NEK4: variants seen among roughly 807,000 people sequenced by gnomAD.
The protein encoded by NEK4 is serine/threonine-protein kinase Nek4.
A neutral mutation model predicts 98.4 loss-of-function variants in NEK4; 86 were observed. The ratio of observed to expected loss-of-function variants is 0.87; its 90% CI spans 0.73 to 1.05. The LOEUF (loss-of-function observed/expected upper bound fraction) is 1.05. Ranked by LOEUF, NEK4 falls within the 50% of genes least tolerant of loss-of-function variation. The pLI is 0.00. For missense variants in NEK4, 898 were observed against 950.3 expected, an observed-to-expected ratio of 0.94 and a Z score of 0.72; for synonymous variants, 328 against 342.2, an observed-to-expected ratio of 0.96 and a Z score of 0.46.
At chr3:52,752,362 A>G in intron 6 of NEK4, 26 bp from the exon 7 acceptor site, 1 of 1,595,956 alleles carries the variant, frequency 6.3e-7, no homozygotes, top group Non-Finnish European at 8.5e-7. Context: ...TTTGGAAATT[A>G]TTATAGCACT....
Position 52,752,093 on chromosome 3 carries a change from T to C in NEK4, c.1207A>G (p.Ile403Val). The change falls in exon 7 of 16, where the codon ATT becomes GTT. Residue 403 changes from isoleucine to valine, a missense_variant. Transcript: ENST00000233027. The stretch of plus-strand genomic sequence containing the variant: ...AGCATCTCCTCTTCCACTTGAGAAA[T>C]ACTGCATATACCTCCTAACTCATTA... ...ASNELGGICS[I>V]SQVEEEMLQD... is the part of the protein sequence containing the mutation. 6.2e-7 allele frequency: 1 copy of C among 1,614,248 alleles called. No individual in the cohort carries two copies. The highest frequency in any genetic ancestry group is 8.5e-7 in the Non-Finnish European group (1 of 1,180,052).
At chr3:52,754,344 G>T in intron 6 of NEK4, 1 of 388,040 alleles carries the variant, frequency 2.6e-6, no homozygotes. Flanking sequence ...ACCAAATTTG[G>T]CAAGTACTAA....
intron 15 of NEK4, among the ~76,000 whole-genome samples, chr3:52,731,876 G>C (rs753484773): frequency 2.6e-5 from 4 of 152,208 alleles, no homozygotes; most frequent in African/African-American, 4.8e-5. Context: ...CGGGAGGTAA[G>C]TGAATCATGG....
chr3:52,743,397 C>A lies in NEK4; in HGVS notation c.1959G>T (p.Gln653His), dbSNP rs763361832. The change falls in exon 12 of 16, where the codon CAG becomes CAT. Residue 653 changes from glutamine to histidine, a missense_variant. By Grantham distance (24) the Gln-to-His change is conservative. Transcript: ENST00000233027. ...AGGAGAGCCGTCGGGCAGGCAAGGGCTGGTCTTCTTCCTGGGGTTTTCCTG... is the reference window on the plus strand; with the variant it reads ...AGGAGAGCCGTCGGGCAGGCAAGGGATGGTCTTCTTCCTGGGGTTTTCCTG... ...AGPGKPQEED[Q>H]PLPARRLSSD... is the part of the protein sequence containing the mutation. 5.6e-6 allele frequency: 9 copies of A among 1,614,022 alleles called. No individual in the cohort carries two copies. The East Asian group carries it at 2.0e-4, about 36-fold the overall frequency.
chr3:52,715,287 C>G (rs1045643682), intron 15 of NEK4, among the ~76,000 whole-genome samples: 1 of 152,248 alleles, frequency 6.6e-6, no homozygotes, highest in Non-Finnish European at 1.5e-5. Context: ...GAGCTACCCT[C>G]TGCTGAGAGC....
chr3:52,763,516 G>GCTGC lies in NEK4; in HGVS notation c.771_774dup (p.Pro259AlafsTer23), dbSNP rs1698434506. 6.2e-7 allele frequency: 1 copy of GCTGC among 1,614,004 alleles called. No individual in the cohort carries two copies. The highest frequency in any genetic ancestry group is 2.2e-5 in the East Asian group (1 of 44,874). ...AAGGAGATTTGCCGCTTTATATAAG[G>GCTGC]CTGCCTCAGGATGCTCCTCACAGAC... On this transcript the variant is annotated frameshift_variant, in exon 5 of 16. Coordinates refer to ENST00000233027, the MANE Select transcript of NEK4 (RefSeq NM_003157.6). LOFTEE classifies it high-confidence loss of function.
intron 15 of NEK4, among the ~76,000 whole-genome samples, chr3:52,727,701 C>A (rs2097365850): frequency 6.6e-6 from 1 of 152,138 alleles, no homozygotes; most frequent in African/African-American, 2.4e-5. Flanking sequence ...GAACTCCTGA[C>A]CTCAAGTGAT....
intron 4 of NEK4, among the ~76,000 whole-genome samples, chr3:52,764,937 T>C (rs548937695): frequency 6.6e-6 from 1 of 152,370 alleles, no homozygotes; most frequent in African/African-American, 2.4e-5. Context: ...GATTCTTAAG[T>C]AGTGGCATTA....
intron 6 of NEK4, among the ~76,000 whole-genome samples, chr3:52,758,521 T>C (rs55807227): frequency 0.21 from 31,715 of 151,800 alleles, 3,813 homozygotes; most frequent in East Asian, 0.3. Flanking sequence ...CTTCAAGACG[T>C]TGGATTTGGC....
At chr3:52,750,920 C>T (rs543656883) in intron 7 of NEK4, among the ~76,000 whole-genome samples, 116 of 152,218 alleles carry the variant, frequency 7.6e-4, no homozygotes, top group Middle Eastern at 3.4e-3. Context: ...AGCAGAGACC[C>T]TGTCTCAAAA....
intron 15 of NEK4, chr3:52,733,162 A>C (rs142873943): frequency 7.4e-4 from 142 of 192,872 alleles, no homozygotes; most frequent in Middle Eastern, 3.0e-3. Context: ...AGTCTTACTA[A>C]TCATCAAGTA....
Position 52,711,614 on chromosome 3 carries a change from C to G in NEK4, c.*163G>C. 1.8e-6 allele frequency: 1 copy of G among 557,136 alleles called. No homozygotes were observed. The highest frequency in any genetic ancestry group is 1.9e-5 in the African/African-American group (1 of 52,480). 34.5% of individuals were successfully genotyped at this position (557,136 alleles called of 1,614,324 possible). ...TTTTGTGATCCTGCTTCATATTATT[C>G]TGTTCTGTCCAATTTCTTTTCTGTA... On this transcript the variant is annotated 3_prime_UTR_variant, in exon 16 of 16. Transcript: ENST00000233027.
chr3:52,746,660 G>T, intron 9 of NEK4, 74 bp downstream of exon 9: 3 of 1,341,496 alleles, frequency 2.2e-6, no homozygotes, highest in Non-Finnish European at 3.1e-6. Flanking sequence ...TGCCTTTTTG[G>T]CAATTGTTAA....
At chr3:52,715,685 A>C (rs2097354535) in intron 15 of NEK4, among the ~76,000 whole-genome samples, 2 of 152,252 alleles carry the variant, frequency 1.3e-5, no homozygotes, top group South Asian at 4.2e-4. Flanking sequence ...TACCACGTCC[A>C]GCCTGAGCTG....
At chr3:52,759,762 C>T (rs1452702888) in intron 6 of NEK4, among the ~76,000 whole-genome samples, 1 of 151,958 alleles carries the variant, frequency 6.6e-6, no homozygotes, top group Non-Finnish European at 1.5e-5. Flanking sequence ...CCCAAAAGAA[C>T]GGAAAACAGG....
rs192614984 is a variant in NEK4 at position 52,738,710 on chromosome 3, C to T, written c.2299+719G>A. On this transcript the variant is annotated intron_variant, in intron 14 of 15. Transcript: ENST00000233027. The stretch of plus-strand genomic sequence containing the variant: ...AAGCAATCTGCCCTCCTCAGCCTCC[C>T]AAAGTATAGGCATGAGCCACCGTAC... Among the ~76,000 whole-genome samples, 832 of 152,242 alleles carry T rather than the reference C, an allele frequency of 5.5e-3. 13 individuals are homozygous for T. In the South Asian group the frequency reaches 0.067, roughly 12 times the overall value.
intron 9 of NEK4, 91 bp from the exon 10 acceptor site, chr3:52,746,301 G>C: frequency 1.6e-6 from 2 of 1,281,954 alleles, no homozygotes; most frequent in South Asian, 2.7e-5. Flanking sequence ...TTTGTCCGTG[G>C]TTTGCTCTTA....
intron 15 of NEK4, among the ~76,000 whole-genome samples, chr3:52,731,943 G>A (rs907878946): frequency 3.3e-5 from 5 of 152,174 alleles, no homozygotes; most frequent in African/African-American, 9.7e-5. Flanking sequence ...GAGATCTGAC[G>A]GTTTTATGAA....
In NEK4 at chr3:52,770,754, G is replaced by A; in HGVS notation, c.-8C>T. ...GTAGGCGGCCAGGGGCATGTTCCCA[G>A]CGCTGGCCCAGAGTCGGGATGCGGC... On this transcript the variant is annotated 5_prime_UTR_variant, in exon 1 of 16. Transcript: ENST00000233027. 1 of 1,557,744 alleles carries A rather than the reference G, an allele frequency of 6.4e-7. No homozygotes were observed. Among genetic ancestry groups the A allele is most frequent in the Non-Finnish European group, 8.7e-7 (1 of 1,151,998 alleles).
Sources: allele counts gnomAD v4.1 joint callset (sites outside exome capture counted in the v4.1 genomes callset), GRCh38; gene constraint gnomAD v4.1.1; transcripts MANE v1.5; gene names NCBI Gene and HGNC (gene_info 2026-07-23, HGNC 2026-07-21).